ABCF2: variants seen among roughly 807,000 people sequenced by gnomAD.
ABCF2 encodes the protein ATP-binding cassette sub-family F member 2.
A neutral mutation model predicts 76.9 loss-of-function variants in ABCF2; 37 were observed. That is an observed-to-expected ratio of 0.48 (90% CI 0.37 to 0.63). The LOEUF (loss-of-function observed/expected upper bound fraction) is 0.63. ABCF2 is among the 30% of genes least tolerant of loss of function. The pLI, the probability that ABCF2 is intolerant of heterozygous loss-of-function variation, is 0.00. For missense variants in ABCF2, 524 were observed against 782.1 expected (o/e 0.67, Z 3.94); for synonymous variants, 299 against 283.7 (o/e 1.05, Z -0.54).
In ABCF2 at chr7:151,213,199, C is replaced by T; in HGVS notation, c.*855G>A. Reference sequence around the variant, plus strand: ...AACAACAGCATCACCTGGAAACTTGCTAGAAATGTTAACGTTCTTGGTCTC... The same window carrying T: ...AACAACAGCATCACCTGGAAACTTGTTAGAAATGTTAACGTTCTTGGTCTC... On this transcript the variant is annotated 3_prime_UTR_variant, in exon 15 of 15. Coordinates refer to ENST00000287844, the MANE Select transcript of ABCF2 (RefSeq NM_007189.3). 2.0e-6 allele frequency: 2 copies of T among 983,666 alleles called. No homozygotes were observed. The highest frequency in any genetic ancestry group is 2.4e-6 in the Non-Finnish European group (2 of 828,350). 60.9% of individuals were successfully genotyped at this position (983,666 alleles called of 1,614,324 possible). A position where few individuals can be genotyped will look rare whatever the true frequency, so the allele number is the denominator to read the frequency against.
rs1198563158 is a variant in ABCF2, at chr7:151,214,624, T to C, written c.1734+255A>G. On this transcript the variant is annotated intron_variant, in intron 14 of 14. Transcript: ENST00000287844. This position sits in a 1 kb window ranked among gnomAD's most constrained non-coding sequence, Gnocchi z 4.9. ...AAAAGCACCGTTTTCTACCCAACTC[T>C]CTTTCCCATTTGGGCCCAAAATGCT... Among the ~76,000 whole-genome samples the C allele has an allele frequency of 6.6e-6, 1 of 152,220 alleles. No homozygotes were observed. Among genetic ancestry groups the C allele is most frequent in the African/African-American group, 2.4e-5 (1 of 41,452 alleles).
At position 151,224,027 on chromosome 7, in the gene ABCF2, G is replaced by A. The variant is rs777791424; in HGVS notation, c.455C>T (p.Pro152Leu). 2.5e-6 allele frequency: 4 copies of A among 1,614,010 alleles called. No individual in the cohort carries two copies. Among genetic ancestry groups the A allele is most frequent in the Non-Finnish European group, 3.4e-6 (4 of 1,180,008 alleles). ...IDIYHLTREM[P>L]PSDKTPLHCV... Reference sequence around the variant, plus strand: ...ATGCAAGGGTGTCTTGTCACTAGGGGGCATCTCTCGAGTCAGATGGTAGAT... The same window carrying A: ...ATGCAAGGGTGTCTTGTCACTAGGGAGCATCTCTCGAGTCAGATGGTAGAT... Residue 152 changes from proline (P) to leucine (L), a missense_variant, in exon 4 of 15, where the codon CCC becomes CTC. Pro to Leu is a moderately conservative substitution (Grantham distance 98, BLOSUM62 -3). This residue lies in a region of ABCF2 where 330 missense variants were observed against 433.6 expected (regional missense o/e 0.76). Transcript: ENST00000287844.
intron 8 of ABCF2, 32 bp from the exon 9 acceptor site, chr7:151,218,905 T>C (rs1448606672): frequency 7.4e-6 from 12 of 1,611,928 alleles, no homozygotes; most frequent in Non-Finnish European, 9.3e-6. Context: ...TTGGAGTATG[T>C]GCAGGCGCTC....
intron 3 of ABCF2, 30 bp downstream of exon 3, chr7:151,224,746 T>A: frequency 6.3e-7 from 1 of 1,586,480 alleles, no homozygotes; most frequent in Non-Finnish European, 8.7e-7. Flanking sequence ...TAAGGAGAGA[T>A]ACCTCCCACC....
intron 1 of ABCF2, 86 bp from the exon 2 acceptor site, chr7:151,226,586 CG>C (rs1802377591): frequency 9.7e-7 from 1 of 1,031,194 alleles, no homozygotes; most frequent in Non-Finnish European, 1.4e-6. Context: ...CAGGAATCTT[CG>C]TATCAACATC....
Position 151,212,512 on chromosome 7 carries a change from T to G in ABCF2, c.*1542A>C. The stretch of plus-strand genomic sequence containing the variant: ...TGCTCAGCAATCTGAATTTTTTTAT[T>G]TTTTTGAGACAGTGTCTCGGTCTGT... On this transcript the variant is annotated 3_prime_UTR_variant, in exon 15 of 15. Transcript: ENST00000287844. The G allele has an allele frequency of 1.0e-6, 1 of 985,336 alleles. No individual in the cohort carries two copies. The highest frequency in any genetic ancestry group is 1.2e-6 in the Non-Finnish European group (1 of 829,804). The allele number at this position is 985,336 out of a possible 1,614,324, so 61.0% of individuals were successfully genotyped here.
Position 151,214,506 on chromosome 7 carries a change from GCAA to G in ABCF2, c.1735-318_1735-316del, listed in dbSNP as rs1003256556. Among the ~76,000 whole-genome samples, 11 of 152,202 alleles carry G rather than the reference GCAA, an allele frequency of 7.2e-5. No homozygotes were observed. The highest frequency in any genetic ancestry group is 2.7e-4 in the African/African-American group (11 of 41,450). Reference sequence around the variant, plus strand: ...CTTCCCCAGAGCTTCAGAGGAATGAGCAACAACTTTTTCTCAAATGACTGTGGT... The same window carrying G: ...CTTCCCCAGAGCTTCAGAGGAATGAGCAACTTTTTCTCAAATGACTGTGGT... On this transcript the variant is annotated intron_variant, in intron 14 of 14. Transcript: ENST00000287844. The surrounding 1 kb of genome is among the most constrained non-coding windows in gnomAD (Gnocchi z 4.9).
chr7:151,213,640 G>GA lies in ABCF2; in HGVS notation c.*413dup. 1 of 999,164 alleles carries GA rather than the reference G, an allele frequency of 1.0e-6. No individual in the cohort carries two copies. Among genetic ancestry groups the GA allele is most frequent in the Non-Finnish European group, 1.2e-6 (1 of 839,950 alleles). 61.9% of individuals were successfully genotyped at this position (999,164 alleles called of 1,614,324 possible). On this transcript the variant is annotated 3_prime_UTR_variant, in exon 15 of 15. Transcript: ENST00000287844. ...GGAGCTCCAAACCAGAAGCAAAAAG[G>GA]AATCGGGGCGGTGGGCTGGGGGGTA...
chr7:151,221,650 A>T lies in ABCF2; in HGVS notation c.849T>A (p.His283Gln). The change falls in exon 7 of 15, where the codon CAT becomes CAA. Residue 283 changes from histidine (H) to glutamine (Q), a missense_variant. By Grantham distance (24) the His-to-Gln change is conservative. Around this residue, in one of 2 missense-constraint regions of ABCF2, gnomAD observed 330 missense variants for 433.6 expected, o/e 0.76. Transcript: ENST00000287844. ...AGACACCATTCAGAAAATCCTGGGA[A>T]TGGGAGACGAGGACCAAGATGCGCT... ...TFKRILVLVS[H>Q]SQDFLNGVCT... 6.2e-7 allele frequency: 1 copy of T among 1,612,470 alleles called. No individual in the cohort carries two copies. Among genetic ancestry groups the T allele is most frequent in the Non-Finnish European group, 8.5e-7 (1 of 1,178,542 alleles).
rs192910860 is a variant in ABCF2 at position 151,220,129 on chromosome 7, C to T, written c.922-970G>A. On this transcript the variant is annotated intron_variant, in intron 7 of 14. Coordinates refer to ENST00000287844, the MANE Select transcript of ABCF2 (RefSeq NM_007189.3). Reference sequence around the variant, plus strand: ...AAAAGAGGCCGGGTGCGGTGGCTCACGCCTGTAATCCCAGCACTTTGGGAG... The same window carrying T: ...AAAAGAGGCCGGGTGCGGTGGCTCATGCCTGTAATCCCAGCACTTTGGGAG... 1.3e-4 allele frequency among the ~76,000 whole-genome samples: 20 copies of T among 151,878 alleles called. 1 individual carries two copies. The highest frequency in any genetic ancestry group is 4.3e-4 in the African/African-American group (18 of 41,384).
rs1278948247 is a variant in ABCF2, at chr7:151,212,360, T to TA, written c.*1693dup. On this transcript the variant is annotated 3_prime_UTR_variant, in exon 15 of 15. Transcript: ENST00000287844. ...GATGATAACTATGGCTGTGGACAGG[T>TA]AAAAATACAAAATTTCCTGTATCCC... 1.1e-5 allele frequency: 11 copies of TA among 985,332 alleles called. No individual in the cohort carries two copies. The African/African-American group carries it at 1.9e-4, about 17-fold the overall frequency. 61.0% of individuals were successfully genotyped at this position (985,332 alleles called of 1,614,324 possible).
chr7:151,215,209 G>T lies in ABCF2; in HGVS notation c.1531-127C>A. On this transcript the variant is annotated intron_variant, in intron 13 of 14. Coordinates refer to ENST00000287844, the MANE Select transcript of ABCF2 (RefSeq NM_007189.3). The surrounding 1 kb of genome is among the most constrained non-coding windows in gnomAD (Gnocchi z 4.6). ...ATTTATAAAAAGTGAGGCTCAGAGAGACCCACTAGTCTCTTGAGGCCTGAA... is the reference window on the plus strand; with the variant it reads ...ATTTATAAAAAGTGAGGCTCAGAGATACCCACTAGTCTCTTGAGGCCTGAA... 1 of 942,308 alleles carries T rather than the reference G, an allele frequency of 1.1e-6. No individual in the cohort carries two copies. The highest frequency in any genetic ancestry group is 1.6e-6 in the Non-Finnish European group (1 of 619,472). 58.4% of individuals were successfully genotyped at this position (942,308 alleles called of 1,614,324 possible).
At position 151,223,955 on chromosome 7, in the gene ABCF2, G is replaced by A; in HGVS notation, c.527C>T (p.Ala176Val). The change falls in exon 4 of 15, where the codon GCA becomes GTA. Residue 176 changes from alanine (A) to valine (V), a missense_variant. Around this residue, in one of 2 missense-constraint regions of ABCF2, gnomAD observed 330 missense variants for 433.6 expected, o/e 0.76. Transcript: ENST00000287844. ...DTERAMLEKEAERLAHEDAEC... is the reference protein window; with the variant it reads ...DTERAMLEKEVERLAHEDAEC... Reference sequence around the variant, plus strand: ...ACCATCCTCATGAGCCAGCCGCTCTGCCTCTTTCTCCAGCATGGCCCGCTC... The same window carrying A: ...ACCATCCTCATGAGCCAGCCGCTCTACCTCTTTCTCCAGCATGGCCCGCTC... The A allele has an allele frequency of 1.2e-6, 2 of 1,613,550 alleles. No individual in the cohort carries two copies. The highest frequency in any genetic ancestry group is 8.5e-7 in the Non-Finnish European group (1 of 1,179,618).
At position 151,211,672 on chromosome 7, in the gene ABCF2, T is replaced by C. The variant is rs1298204891; in HGVS notation, c.*2382A>G. ...ATTCTTAGCAATATCCAGCACTTCC[T>C]TAAGTATCAAGGGCTCTGTCCCTCA... On this transcript the variant is annotated 3_prime_UTR_variant, in exon 15 of 15. Coordinates refer to ENST00000287844, the MANE Select transcript of ABCF2 (RefSeq NM_007189.3). The C allele has an allele frequency of 1.0e-6, 1 of 985,312 alleles. No individual in the cohort carries two copies. Among genetic ancestry groups the C allele is most frequent in the Non-Finnish European group, 1.2e-6 (1 of 829,934 alleles). The allele number at this position is 985,312 out of a possible 1,614,324, so 61.0% of individuals were successfully genotyped here.
Position 151,215,926 on chromosome 7 carries a change from T to C in ABCF2, c.1401+41A>G. The C allele has an allele frequency of 3.1e-6, 5 of 1,607,258 alleles. No homozygotes were observed. Among genetic ancestry groups the C allele is most frequent in the Non-Finnish European group, 4.3e-6 (5 of 1,173,960 alleles). On this transcript the variant is annotated intron_variant, in intron 12 of 14. Coordinates refer to ENST00000287844, the MANE Select transcript of ABCF2 (RefSeq NM_007189.3). The surrounding 1 kb of genome is among the most constrained non-coding windows in gnomAD (Gnocchi z 4.6). ...CTCAGCCAGATACAGCCCCTCCCTA[T>C]ACCCTGGGCAATTCCCCGGATCCCA...
rs567138711 is a variant in ABCF2 at position 151,227,198 on chromosome 7, T to G, written c.-78A>C. On this transcript the variant is annotated 5_prime_UTR_variant, in exon 1 of 15. Transcript: ENST00000287844. ...TGCTCGGCCTATGTCGCAACAGAGC[T>G]GCTCCTTAGGATCCTCCGCGTGCGG... 6 of 152,414 alleles carry G rather than the reference T, an allele frequency of 3.9e-5. No homozygotes were observed. The highest frequency in any genetic ancestry group is 1.9e-4 in the East Asian group (1 of 5,182). 9.4% of individuals were successfully genotyped at this position (152,414 alleles called of 1,614,324 possible).
Position 151,212,293 on chromosome 7 carries a change from A to G in ABCF2, c.*1761T>C, listed in dbSNP as rs758454002. 16 of 985,428 alleles carry G rather than the reference A, an allele frequency of 1.6e-5. No individual in the cohort carries two copies. In the Middle Eastern group the frequency reaches 1.6e-3, roughly 97 times the overall value. The allele number at this position is 985,428 out of a possible 1,614,324, so 61.0% of individuals were successfully genotyped here. A position where few individuals can be genotyped will look rare whatever the true frequency, so the allele number is the denominator to read the frequency against. The stretch of plus-strand genomic sequence containing the variant: ...TGCTATTGAAGTTCAAAAGACCCAG[A>G]TAAGGTATGCAGAGCCCTGGGCTGG... On this transcript the variant is annotated 3_prime_UTR_variant, in exon 15 of 15. Coordinates refer to ENST00000287844, the MANE Select transcript of ABCF2 (RefSeq NM_007189.3).
chr7:151,214,625 CTT>C lies in ABCF2; in HGVS notation c.1734+252_1734+253del, dbSNP rs552678130. ...AAAGCACCGTTTTCTACCCAACTCT[CTT>C]TCCCATTTGGGCCCAAAATGCTAAG... On this transcript the variant is annotated intron_variant, in intron 14 of 14. Coordinates refer to ENST00000287844, the MANE Select transcript of ABCF2 (RefSeq NM_007189.3). The surrounding 1 kb of genome is among the most constrained non-coding windows in gnomAD (Gnocchi z 4.9). 9.8e-5 allele frequency among the ~76,000 whole-genome samples: 15 copies of C among 152,332 alleles called. No individual in the cohort carries two copies. The South Asian group carries it at 3.1e-3, about 32-fold the overall frequency.
intron 3 of ABCF2, 85 bp downstream of exon 3, chr7:151,224,691 G>A: frequency 7.7e-7 from 1 of 1,306,350 alleles, no homozygotes; most frequent in Non-Finnish European, 1.1e-6. Flanking sequence ...GCTTTGCTCT[G>A]AACACAGTTG....
Sources: gnomAD v4.1 joint callset for allele counts (sites outside exome capture counted in the v4.1 genomes callset) on GRCh38, gnomAD v4.1.1 for gene constraint, gnomAD v4.1.1 regional missense constraint, Gnocchi (gnomAD v3.1) non-coding constraint, MANE v1.5 for transcripts, NCBI Gene and HGNC (gene_info 2026-07-23, HGNC 2026-07-21) for gene names.